The following VEGFC variants were observed in gnomAD, a reference collection of about 807,000 sequenced individuals.
VEGFC encodes FLT4 ligand DHM.
In VEGFC, 12 loss-of-function variants were observed where a neutral mutation model predicts 46.1. The ratio of observed to expected loss-of-function variants is 0.26; its 90% CI spans 0.17 to 0.42. VEGFC has a LOEUF of 0.42. Ranked by LOEUF, VEGFC falls within the 10% of genes least tolerant of loss-of-function variation. The pLI, the probability that VEGFC is intolerant of heterozygous loss-of-function variation, is 1.00. For missense variants in VEGFC, 488 were observed against 529.4 expected, an observed-to-expected ratio of 0.92 and a Z score of 0.77; for synonymous variants, 232 against 195.5, an observed-to-expected ratio of 1.19 and a Z score of -1.56.
At chr4:176,732,752 T>G (rs750377815) in intron 1 of VEGFC, among the ~76,000 whole-genome samples, 1 of 151,722 alleles carries the variant, frequency 6.6e-6, no homozygotes, top group African/African-American at 2.4e-5. Context: ...AAGAAAATAT[T>G]TGTGATCATA....
chr4:176,767,613 G>T (rs1289649453), intron 1 of VEGFC, among the ~76,000 whole-genome samples: 1 of 152,118 alleles, frequency 6.6e-6, no homozygotes, highest in Non-Finnish European at 1.5e-5. Context: ...CTGTTTCCTT[G>T]ACACTGTCCA....
intron 1 of VEGFC, among the ~76,000 whole-genome samples, chr4:176,781,416 C>A (rs1735912756): frequency 6.6e-6 from 1 of 152,082 alleles, no homozygotes; most frequent in South Asian, 2.1e-4. Flanking sequence ...ATACACAAAA[C>A]AGACACAAAC....
Position 176,742,947 on chromosome 4 carries a change from A to G in VEGFC, c.148-13201T>C, listed in dbSNP as rs181885879. Among the ~76,000 whole-genome samples, 374 of 152,154 alleles carry G rather than the reference A, an allele frequency of 2.5e-3. 2 individuals carry two copies. The highest frequency in any genetic ancestry group is 3.5e-3 in the Non-Finnish European group (238 of 67,956). On this transcript the variant is annotated intron_variant, in intron 1 of 6. Transcript: ENST00000618562. ...CTAAGTTGAGACAGTAGTCATTCTGATATTACGGAAATATTACAATGATAA... is the reference window on the plus strand; with the variant it reads ...CTAAGTTGAGACAGTAGTCATTCTGGTATTACGGAAATATTACAATGATAA...
chr4:176,716,997 T>G (rs2111004868), intron 3 of VEGFC, among the ~76,000 whole-genome samples: 1 of 152,340 alleles, frequency 6.6e-6, no homozygotes, highest in East Asian at 1.9e-4. Context: ...CCAAGTATGT[T>G]TATTTAGTAA....
intron 4 of VEGFC, among the ~76,000 whole-genome samples, chr4:176,692,773 G>T (rs1490272256): frequency 6.8e-6 from 1 of 147,704 alleles, no homozygotes; most frequent in Non-Finnish European, 1.5e-5. Flanking sequence ...CACGCAGCTG[G>T]AGATCTGAGA....
At chr4:176,692,210 C>T (rs1408430598) in intron 4 of VEGFC, among the ~76,000 whole-genome samples, 6 of 148,808 alleles carry the variant, frequency 4.0e-5, no homozygotes, top group East Asian at 2.0e-4. Context: ...CCGGCTAAAA[C>T]GGTGAAACCC....
intron 1 of VEGFC, among the ~76,000 whole-genome samples, chr4:176,772,417 T>C (rs1735738884): frequency 6.6e-6 from 1 of 152,210 alleles, no homozygotes; most frequent in South Asian, 2.1e-4. Flanking sequence ...ATGGTAGCAT[T>C]CATCTTTCTT....
chr4:176,686,322 GA>G (rs1210848169), intron 6 of VEGFC, among the ~76,000 whole-genome samples: 1 of 152,198 alleles, frequency 6.6e-6, no homozygotes, highest in Non-Finnish European at 1.5e-5. Context: ...CATGGTAGGT[GA>G]AAGAGGTGAA....
chr4:176,732,870 C>T (rs573985094), intron 1 of VEGFC, among the ~76,000 whole-genome samples: 11 of 151,776 alleles, frequency 7.2e-5, no homozygotes, highest in African/African-American at 2.7e-4. Context: ...CCATAAAACA[C>T]ACAAATGATA....
rs1171418339 is a variant in VEGFC, at chr4:176,792,010, T to A, written c.147+155A>T. On this transcript the variant is annotated intron_variant, in intron 1 of 6. Transcript: ENST00000618562. The surrounding 1 kb of genome is among the most constrained non-coding windows in gnomAD (Gnocchi z 6.3). ...AACTTTCTATTTAAAAAGAAGAAGA[T>A]TTTTCTCCAAAGCAGCGTGCACTGA... Among the ~76,000 whole-genome samples the A allele has an allele frequency of 6.6e-6, 1 of 152,088 alleles. No homozygotes were observed. Among genetic ancestry groups the A allele is most frequent in the Non-Finnish European group, 1.5e-5 (1 of 68,020 alleles).
intron 3 of VEGFC, among the ~76,000 whole-genome samples, chr4:176,716,800 AAG>A (rs2111004632): frequency 6.6e-6 from 1 of 152,216 alleles, no homozygotes; most frequent in East Asian, 1.9e-4. Flanking sequence ...TTCCTCTCAA[AAG>A]AGTTTAGATC....
chr4:176,772,406 C>T (rs1735738749), intron 1 of VEGFC, among the ~76,000 whole-genome samples: 1 of 152,164 alleles, frequency 6.6e-6, no homozygotes, highest in South Asian at 2.1e-4. Flanking sequence ...AAAGGTCTTA[C>T]ATGGTAGCAT....
intron 1 of VEGFC, among the ~76,000 whole-genome samples, chr4:176,791,880 C>T (rs2110963600): frequency 6.6e-6 from 1 of 152,280 alleles, no homozygotes; most frequent in African/African-American, 2.4e-5. Context: ...GTTCAAGACC[C>T]CTTGGTTGCC....
chr4:176,769,737 G>A (rs972289569), intron 1 of VEGFC, among the ~76,000 whole-genome samples: 4 of 152,068 alleles, frequency 2.6e-5, no homozygotes, highest in Admixed American at 6.6e-5. Flanking sequence ...ATGTTGTAAC[G>A]TATACACTAT....
At chr4:176,714,881 T>C (rs945307346) in intron 3 of VEGFC, among the ~76,000 whole-genome samples, 4 of 152,210 alleles carry the variant, frequency 2.6e-5, no homozygotes, top group African/African-American at 9.6e-5. Context: ...CTAATTCACA[T>C]TAAGAAAGCA....
intron 1 of VEGFC, among the ~76,000 whole-genome samples, chr4:176,768,628 G>C (rs1376075585): frequency 6.6e-6 from 1 of 151,194 alleles, no homozygotes; most frequent in Non-Finnish European, 1.5e-5. Context: ...ACCTCAGCAG[G>C]GAGAACACCT....
chr4:176,761,599 G>T (rs1329207640), intron 1 of VEGFC, among the ~76,000 whole-genome samples: 1 of 152,156 alleles, frequency 6.6e-6, no homozygotes, highest in African/African-American at 2.4e-5. Context: ...ACAGTAATTT[G>T]TAATGTTGAA....
rs1209351317 is a variant in VEGFC at position 176,792,892 on chromosome 4, G to T, written c.-581C>A. Among the ~76,000 whole-genome samples, 1 of 149,598 alleles carries T rather than the reference G, an allele frequency of 6.7e-6. No homozygotes were observed. The highest frequency in any genetic ancestry group is 1.5e-5 in the Non-Finnish European group (1 of 67,052). The stretch of plus-strand genomic sequence containing the variant: ...AGAGCGCGCCGGGCTGAGCGGCGGC[G>T]GCGGCGGCGGCGGGCGCAGGGGCAG... On this transcript the variant is annotated 5_prime_UTR_variant, in exon 1 of 7. Coordinates refer to ENST00000618562, the MANE Select transcript of VEGFC (RefSeq NM_005429.5). The surrounding 1 kb of genome is among the most constrained non-coding windows in gnomAD (Gnocchi z 6.3).
intron 6 of VEGFC, among the ~76,000 whole-genome samples, chr4:176,684,448 T>A (rs1734001545): frequency 6.6e-6 from 1 of 152,128 alleles, no homozygotes; most frequent in Non-Finnish European, 1.5e-5. Flanking sequence ...TTCCAGGCAA[T>A]TAAACCCAGC....
Sources: allele counts gnomAD v4.1 joint callset (sites outside exome capture counted in the v4.1 genomes callset), GRCh38; gene constraint gnomAD v4.1.1; non-coding constraint Gnocchi (gnomAD v3.1); transcripts MANE v1.5; gene names NCBI Gene and HGNC (gene_info 2026-07-23, HGNC 2026-07-21).